Variants in RFX7 observed in about 807,000 individuals in gnomAD.
The protein encoded by RFX7 is DNA-binding protein RFX7.
Under a neutral mutation model 111.8 loss-of-function variants are expected in RFX7, and 26 were observed. The observed-to-expected ratio is 0.23, with a 90% confidence interval of 0.17 to 0.32. RFX7 has a LOEUF of 0.32. Among genes scored for constraint, RFX7 ranks in the 10% least tolerant of loss-of-function variants. The pLI is 1.00. For synonymous variants in RFX7, 624 were observed against 624.4 expected (o/e 1.00, Z 0.01); for missense variants, 1,573 against 1,772.9 (o/e 0.89, Z 2.02).
At chr15:56,237,156 C>T (rs1366977841) in intron 2 of RFX7, among the ~76,000 whole-genome samples, 2 of 152,154 alleles carry the variant, frequency 1.3e-5, no homozygotes, top group African/African-American at 4.8e-5. Context: ...ATCTCAGGAA[C>T]CTTCACGGTC....
chr15:56,093,863 G>T lies in RFX7; in HGVS notation c.3865C>A (p.Pro1289Thr), dbSNP rs768916581. 1.2e-5 allele frequency: 19 copies of T among 1,613,812 alleles called. No homozygotes were observed. Among genetic ancestry groups the T allele is most frequent in the Middle Eastern group, 1.6e-4 (1 of 6,082 alleles). The change falls in exon 10 of 10, where the codon CCT becomes ACT. Residue 1289 changes from proline (P) to threonine (T), a missense_variant. By Grantham distance (38) the Pro-to-Thr change is conservative. This residue lies in a region of RFX7 where 411 missense variants were observed against 478.1 expected (regional missense o/e 0.86). Coordinates refer to ENST00000559447, the MANE Select transcript of RFX7 (RefSeq NM_022841.7). ...ARMNLTQILE[P>T]STVFPSANPQ... ...TTGGCACTAGGAAAAACAGTGGAAG[G>T]TTCCAAAATCTGAGTGAGATTCATC...
At chr15:56,197,745 T>G (rs1394049407) in intron 2 of RFX7, among the ~76,000 whole-genome samples, 4 of 152,120 alleles carry the variant, frequency 2.6e-5, no homozygotes, top group Non-Finnish European at 5.9e-5. Flanking sequence ...TCATGGTCTT[T>G]GATACAAACT....
At chr15:56,156,183 A>G (rs567998295) in intron 3 of RFX7, among the ~76,000 whole-genome samples, 1 of 152,248 alleles carries the variant, frequency 6.6e-6, no homozygotes, top group Admixed American at 6.5e-5. Context: ...ACCCTCAACT[A>G]TAATGATCCT....
rs781144328 is a variant in RFX7 at position 56,096,418 on chromosome 15, G to A, written c.1310C>T (p.Ala437Val). Residue 437 changes from alanine (A) to valine (V), a missense_variant, in exon 10 of 10, where the codon GCG (alanine) becomes GTG (valine). This residue lies in a region of RFX7 where 288 missense variants were observed against 337.9 expected (regional missense o/e 0.85). Coordinates refer to ENST00000559447, the MANE Select transcript of RFX7 (RefSeq NM_022841.7). ...HRYPQILPKPANTSALTIRSP... is the reference protein window; with the variant it reads ...HRYPQILPKPVNTSALTIRSP... ...GCGAATGGTGAGTGCACTGGTGTTCGCTGGTTTGGGTAAGATCTGAGGGTA... is the reference window on the plus strand; with the variant it reads ...GCGAATGGTGAGTGCACTGGTGTTCACTGGTTTGGGTAAGATCTGAGGGTA... The A allele has an allele frequency of 2.7e-5, 44 of 1,613,574 alleles. No homozygotes were observed. Among genetic ancestry groups the A allele is most frequent in the Middle Eastern group, 1.6e-4 (1 of 6,082 alleles).
chr15:56,235,249 C>T (rs2043610407), intron 2 of RFX7, among the ~76,000 whole-genome samples: 1 of 151,924 alleles, frequency 6.6e-6, no homozygotes, highest in Non-Finnish European at 1.5e-5. Context: ...TCTTGGCTCA[C>T]TGCAGCCCCT....
intron 2 of RFX7, among the ~76,000 whole-genome samples, chr15:56,196,877 T>C (rs1192331470): frequency 1.3e-5 from 2 of 152,164 alleles, no homozygotes; most frequent in Non-Finnish European, 2.9e-5. Context: ...TATGGAGATC[T>C]TGTTATTCAT....
At chr15:56,185,175 T>C (rs2043024608) in intron 2 of RFX7, among the ~76,000 whole-genome samples, 1 of 152,204 alleles carries the variant, frequency 6.6e-6, no homozygotes, top group South Asian at 2.1e-4. Flanking sequence ...ATTTTGTTAT[T>C]TACTTTTAAA....
At chr15:56,138,852 T>A (rs2042345566) in intron 5 of RFX7, among the ~76,000 whole-genome samples, 1 of 152,150 alleles carries the variant, frequency 6.6e-6, no homozygotes. Context: ...CTGTAAAGTA[T>A]TTTATTTCTC....
chr15:56,141,466 A>G (rs2141021774), intron 5 of RFX7, among the ~76,000 whole-genome samples: 1 of 151,976 alleles, frequency 6.6e-6, no homozygotes. Context: ...ACTGGTTAAA[A>G]TGCTTGCCTA....
intron 5 of RFX7, among the ~76,000 whole-genome samples, chr15:56,121,157 T>C (rs1367031899): frequency 6.6e-6 from 1 of 152,238 alleles, no homozygotes; most frequent in African/African-American, 2.4e-5. Context: ...GTTTAGTATT[T>C]CTTGTATGCC....
rs75845048 is a variant in RFX7 at position 56,209,226 on chromosome 15, A to C, written c.162-29923T>G. ...CTATACAGGAGCCAAGATAAGAATT[A>C]TATCTGATTCTCATAAACCATGCAA... On this transcript the variant is annotated intron_variant, in intron 2 of 9. Transcript: ENST00000559447. Among the ~76,000 whole-genome samples the C allele has an allele frequency of 4.6e-3, 694 of 152,074 alleles. 12 individuals carry two copies. Among genetic ancestry groups the C allele is most frequent in the African/African-American group, 0.016 (677 of 41,536 alleles).
chr15:56,179,590 T>C (rs923711091), intron 2 of RFX7, among the ~76,000 whole-genome samples: 2 of 152,162 alleles, frequency 1.3e-5, no homozygotes, highest in African/African-American at 4.8e-5. Flanking sequence ...GCAGATTTAT[T>C]ACTATACTTA....
intron 3 of RFX7, among the ~76,000 whole-genome samples, chr15:56,176,283 GA>G (rs2042902050): frequency 6.6e-6 from 1 of 152,114 alleles, no homozygotes; most frequent in Non-Finnish European, 1.5e-5. Context: ...GATAATGGCT[GA>G]AAACATCCCA....
chr15:56,233,798 C>T (rs981495658), intron 2 of RFX7, among the ~76,000 whole-genome samples: 1 of 152,120 alleles, frequency 6.6e-6, no homozygotes, highest in Non-Finnish European at 1.5e-5. Flanking sequence ...TACTCTGCTC[C>T]AGTTCCCACC....
chr15:56,239,982 T>C (rs942500679), intron 2 of RFX7, among the ~76,000 whole-genome samples: 1 of 122,194 alleles, frequency 8.2e-6, no homozygotes, highest in Non-Finnish European at 1.7e-5. Flanking sequence ...GCTTTGGTAT[T>C]TCTTTTTTTT....
chr15:56,117,485 T>A (rs74018319), intron 5 of RFX7, among the ~76,000 whole-genome samples: 4,912 of 152,208 alleles, frequency 0.032, 287 homozygotes, highest in African/African-American at 0.11. Flanking sequence ...CATCTGTCAT[T>A]TATTTGTGTT....
At chr15:56,128,625 T>C (rs2042175149) in intron 5 of RFX7, among the ~76,000 whole-genome samples, 1 of 152,160 alleles carries the variant, frequency 6.6e-6, no homozygotes, top group Non-Finnish European at 1.5e-5. Flanking sequence ...GACTGAAAGC[T>C]TTCCTCTTTG....
intron 3 of RFX7, among the ~76,000 whole-genome samples, chr15:56,169,848 G>A (rs1397978140): frequency 6.6e-6 from 1 of 151,546 alleles, no homozygotes; most frequent in African/African-American, 2.4e-5. Context: ...CTTTTAACAG[G>A]TGAGTATGGA....
intron 3 of RFX7, among the ~76,000 whole-genome samples, chr15:56,146,740 A>C (rs2042478760): frequency 6.6e-6 from 1 of 152,212 alleles, no homozygotes; most frequent in Non-Finnish European, 1.5e-5. Context: ...TTTTTTTAAA[A>C]CAATGAAAAC....
Sources: allele counts gnomAD v4.1 joint callset (sites outside exome capture counted in the v4.1 genomes callset), GRCh38; gene constraint gnomAD v4.1.1; regional missense constraint gnomAD v4.1.1; transcripts MANE v1.5; gene names NCBI Gene and HGNC (gene_info 2026-07-23, HGNC 2026-07-21).